The following CTDP1 variants were observed in gnomAD, a reference collection of about 807,000 sequenced individuals.
CTDP1 encodes the protein CTD phosphatase 1.
A neutral mutation model predicts 91.8 loss-of-function variants in CTDP1; 47 were observed. The observed-to-expected ratio is 0.51, with a 90% CI of 0.41 to 0.65. CTDP1 has a LOEUF of 0.65. Ranked by LOEUF, CTDP1 falls within the 30% of genes least tolerant of loss-of-function variation. The pLI is 0.00. For synonymous variants in CTDP1, 656 were observed against 598.5 expected, an observed-to-expected ratio of 1.10 and a Z score of -1.40; for missense variants, 1,272 against 1,373.7, an observed-to-expected ratio of 0.93 and a Z score of 1.17.
At chr18:79,733,283 G>C (rs921647296) in intron 11 of CTDP1, among the ~76,000 whole-genome samples, 15 of 152,212 alleles carry the variant, frequency 9.9e-5, no homozygotes, top group African/African-American at 3.6e-4. Flanking sequence ...CACAGGACGG[G>C]TGTGCGTTTG....
chr18:79,678,418 A>G (rs527982801), upstream of CTDP1: 7 of 152,384 alleles, frequency 4.6e-5, no homozygotes, highest in African/African-American at 1.7e-4. Flanking sequence ...ACCAGTGAGA[A>G]TTCCTCACAA....
chr18:79,733,516 G>C (rs978755774), intron 11 of CTDP1, among the ~76,000 whole-genome samples: 3 of 150,950 alleles, frequency 2.0e-5, no homozygotes, highest in Non-Finnish European at 4.4e-5. Context: ...CGCTGCCTCT[G>C]CAGCTGCGTT....
chr18:79,696,816 C>G (rs1212761589), intron 3 of CTDP1, among the ~76,000 whole-genome samples: 3 of 152,184 alleles, frequency 2.0e-5, no homozygotes, highest in Non-Finnish European at 4.4e-5. Context: ...CTCCGGGCAC[C>G]TCCTGTGCTT....
intron 4 of CTDP1, chr18:79,703,418 T>C (rs146073577): frequency 8.5e-5 from 13 of 152,360 alleles, no homozygotes; most frequent in African/African-American, 2.9e-4. Flanking sequence ...GAAAGCAGAC[T>C]CATTTGCATG....
At chr18:79,696,688 G>GGTGGA (rs1420829020) in intron 3 of CTDP1, among the ~76,000 whole-genome samples, 1 of 152,170 alleles carries the variant, frequency 6.6e-6, no homozygotes, top group African/African-American at 2.4e-5. Flanking sequence ...GGGTACGCAG[G>GGTGGA]GTGGAGAGGA....
intron 12 of CTDP1, among the ~76,000 whole-genome samples, chr18:79,747,867 T>C (rs1599323050): frequency 6.6e-6 from 1 of 152,164 alleles, no homozygotes; most frequent in African/African-American, 2.4e-5. Context: ...TAGATGCTGG[T>C]GTGACACAAT....
At position 79,704,911 on chromosome 18, in the gene CTDP1, A is replaced by G; in HGVS notation, c.766A>G (p.Ile256Val). 1 of 1,613,096 alleles carries G rather than the reference A, an allele frequency of 6.2e-7. No individual in the cohort carries two copies. The highest frequency in any genetic ancestry group is 8.5e-7 in the Non-Finnish European group (1 of 1,180,022). Residue 256 changes from isoleucine to valine, a missense_variant, in exon 5 of 13, where the codon ATC becomes GTC. By Grantham distance (29) the Ile-to-Val change is conservative. Coordinates refer to ENST00000613122, the MANE Select transcript of CTDP1 (RefSeq NM_004715.5). ...CGGCAGCCGGCTGTACGCACACACC[A>G]TCGCAGGTCAGTCAAGCCGCAGCCG... ...TFGSRLYAHT[I>V]AGFLDPEKKL...
intron 4 of CTDP1, 109 bp downstream of exon 4, chr18:79,698,097 T>A: frequency 1.3e-6 from 2 of 1,500,160 alleles, no homozygotes; most frequent in Non-Finnish European, 1.8e-6. Flanking sequence ...TAGGTCAGCC[T>A]GGGTTTGGAA....
At chr18:79,740,261 G>T (rs544817141) in intron 12 of CTDP1, among the ~76,000 whole-genome samples, 1 of 152,340 alleles carries the variant, frequency 6.6e-6, no homozygotes, top group African/African-American at 2.4e-5. Context: ...GATCGCTGTG[G>T]ACGTGTGGCC....
Position 79,714,568 on chromosome 18 carries a change from G to T in CTDP1, c.1108G>T (p.Gly370Ter), listed in dbSNP as rs1286453231. 1.2e-6 allele frequency: 2 copies of T among 1,613,042 alleles called. No homozygotes were observed. Among genetic ancestry groups the T allele is most frequent in the East Asian group, 2.2e-5 (1 of 44,898 alleles). The change falls in exon 8 of 13, where the codon GGA becomes TGA. Residue 370 changes from glycine (G) to a stop codon, truncating the protein, a stop_gained. Coordinates refer to ENST00000613122, the MANE Select transcript of CTDP1 (RefSeq NM_004715.5). LOFTEE classifies it high-confidence loss of function. ...CCCTGAGGGGGTAACGCAGGCCCCT[G>T]GAGTGGAGCCCAGCAATGGCCTGGA... is the stretch of plus-strand genomic sequence containing the variant. ...RDPEGVTQAP[G>*]VEPSNGLEKP...
chr18:79,709,890 G>C (rs936024354), intron 5 of CTDP1, among the ~76,000 whole-genome samples: 1 of 152,204 alleles, frequency 6.6e-6, no homozygotes, highest in East Asian at 1.9e-4. Context: ...TTACAGATGA[G>C]AGCAGTGGGC....
At chr18:79,692,348 A>G (rs2085643274) in intron 1 of CTDP1, among the ~76,000 whole-genome samples, 1 of 151,734 alleles carries the variant, frequency 6.6e-6, no homozygotes. Flanking sequence ...GTCTTTCTGG[A>G]CTCCTCTGTT....
chr18:79,688,055 G>A (rs904156840), intron 1 of CTDP1, among the ~76,000 whole-genome samples: 2 of 152,190 alleles, frequency 1.3e-5, no homozygotes, highest in South Asian at 2.1e-4. Context: ...TTCCTCAGAC[G>A]TTGTGCTTTA....
chr18:79,691,319 T>C (rs1261837228), intron 1 of CTDP1, among the ~76,000 whole-genome samples: 2 of 152,216 alleles, frequency 1.3e-5, no homozygotes, highest in African/African-American at 4.8e-5. Flanking sequence ...CAGGGCCAGC[T>C]TACACTCGCT....
intron 12 of CTDP1, among the ~76,000 whole-genome samples, chr18:79,747,510 G>A (rs1213317631): frequency 2.0e-5 from 3 of 152,224 alleles, no homozygotes; most frequent in Admixed American, 6.5e-5. Flanking sequence ...GCCCAGCCCT[G>A]TGTTGTAGGT....
chr18:79,681,611 C>A, intron 1 of CTDP1: 1 of 401,494 alleles, frequency 2.5e-6, no homozygotes, highest in Non-Finnish European at 3.4e-6. Flanking sequence ...GTCAGTCAGC[C>A]AGCCAGGTCA....
chr18:79,679,730 C>G (rs1208983600), upstream of CTDP1: 1 of 514,738 alleles, frequency 1.9e-6, no homozygotes, highest in East Asian at 3.8e-5. Flanking sequence ...TCCGGCCCCG[C>G]GCGGCGCTCG....
upstream of CTDP1, chr18:79,678,960 T>C (rs988782035): frequency 1.0e-5 from 2 of 197,240 alleles, no homozygotes; most frequent in South Asian, 1.4e-4. Flanking sequence ...CCTCCCAAAG[T>C]GCTGAGACTA....
chr18:79,700,785 C>G (rs769309945), intron 4 of CTDP1, among the ~76,000 whole-genome samples: 2 of 152,240 alleles, frequency 1.3e-5, no homozygotes, highest in Non-Finnish European at 2.9e-5. Context: ...ACTTTCATAG[C>G]TGGAGAGGAG....
Sources: allele counts gnomAD v4.1 joint callset (sites outside exome capture counted in the v4.1 genomes callset), GRCh38; gene constraint gnomAD v4.1.1; transcripts MANE v1.5; gene names NCBI Gene and HGNC (gene_info 2026-07-23, HGNC 2026-07-21).